The following NRG3 variants were observed in gnomAD, a reference collection of about 807,000 sequenced individuals.
NRG3 encodes the protein neuregulin 3, also known as pro-neuregulin-3, membrane-bound isoform.
Under a neutral mutation model 66.9 loss-of-function variants are expected in NRG3, and 31 were observed. The observed-to-expected ratio is 0.46, with a 90% CI of 0.35 to 0.63. The LOEUF (loss-of-function observed/expected upper bound fraction) is 0.63, where lower values mean the gene tolerates loss of function less well. NRG3 is among the 20% of genes least tolerant of loss of function. The pLI is 0.00. For missense variants in NRG3, 910 were observed against 878.9 expected (o/e 1.04, Z -0.45); for synonymous variants, 393 against 359.4 (o/e 1.09, Z -1.06).
At chr10:81,957,835 T>C (rs886154992) in intron 1 of NRG3, among the ~76,000 whole-genome samples, 4 of 152,268 alleles carry the variant, frequency 2.6e-5, no homozygotes, top group African/African-American at 9.6e-5. Flanking sequence ...GATGATTAAG[T>C]AAAATTTGTA....
chr10:82,114,985 GA>G (rs1369733962), intron 1 of NRG3, among the ~76,000 whole-genome samples: 5 of 152,040 alleles, frequency 3.3e-5, no homozygotes, highest in Non-Finnish European at 7.4e-5. Flanking sequence ...TTTTCTTTTG[GA>G]AAAAGGCAGG....
intron 2 of NRG3, among the ~76,000 whole-genome samples, chr10:82,521,063 C>T (rs897793423): frequency 3.9e-5 from 6 of 152,156 alleles, no homozygotes; most frequent in Admixed American, 2.0e-4. Flanking sequence ...CAGTTCCAGA[C>T]CACCATAATA....
intron 1 of NRG3, among the ~76,000 whole-genome samples, chr10:82,102,141 T>TATATATATGTGTGTATTA: frequency 2.5e-5 from 1 of 39,264 alleles, no homozygotes; most frequent in East Asian, 4.2e-4. Context: ...TTCATATATA[T>TATATATATGTGTGTATTA]ATATATATAT....
intron 2 of NRG3, among the ~76,000 whole-genome samples, chr10:82,500,487 G>C (rs1844068697): frequency 6.6e-6 from 1 of 152,114 alleles, no homozygotes. Context: ...CTACCTTTTT[G>C]TAGGTTGAAT....
intron 1 of NRG3, among the ~76,000 whole-genome samples, chr10:82,044,675 A>G (rs1252316872): frequency 3.3e-5 from 5 of 151,942 alleles, no homozygotes; most frequent in Non-Finnish European, 7.4e-5. Context: ...TGCTGCACCT[A>G]TTAACTCTTC....
chr10:82,091,043 G>T (rs2065995438), intron 1 of NRG3, among the ~76,000 whole-genome samples: 1 of 152,050 alleles, frequency 6.6e-6, no homozygotes, highest in African/African-American at 2.4e-5. Flanking sequence ...ACTTCCAGCA[G>T]TGTAACCTAA....
chr10:82,399,026 T>C (rs547472566), intron 2 of NRG3, among the ~76,000 whole-genome samples: 1 of 152,354 alleles, frequency 6.6e-6, no homozygotes, highest in African/African-American at 2.4e-5. Flanking sequence ...TCTGAGACTA[T>C]GACAAGTGAT....
At chr10:82,407,374 A>G (rs548016822) in intron 2 of NRG3, among the ~76,000 whole-genome samples, 14 of 152,134 alleles carry the variant, frequency 9.2e-5, no homozygotes, top group Non-Finnish European at 1.5e-4. Context: ...CCTACTCTAA[A>G]TGGAAGGGCA....
intron 2 of NRG3, among the ~76,000 whole-genome samples, chr10:82,668,860 A>G (rs1248922754): frequency 1.3e-5 from 2 of 152,174 alleles, no homozygotes; most frequent in South Asian, 2.1e-4. Context: ...CCTTTACATT[A>G]TAGATTGCCT....
chr10:82,806,821 A>G (rs956150891), intron 3 of NRG3, among the ~76,000 whole-genome samples: 3 of 152,202 alleles, frequency 2.0e-5, no homozygotes, highest in Admixed American at 6.5e-5. Flanking sequence ...AGTTTGGATC[A>G]TAAGGTTGTC....
At chr10:82,219,318 T>C (rs1194635414) in intron 1 of NRG3, among the ~76,000 whole-genome samples, 4 of 147,712 alleles carry the variant, frequency 2.7e-5, no homozygotes, top group Non-Finnish European at 5.9e-5. Flanking sequence ...TTTTTGGCAA[T>C]AAAAAATATC....
At chr10:82,112,602 G>C (rs141888387) in intron 1 of NRG3, among the ~76,000 whole-genome samples, 1 of 152,024 alleles carries the variant, frequency 6.6e-6, no homozygotes, top group African/African-American at 2.4e-5. Flanking sequence ...TCTAAATGGC[G>C]CTTCTTCATT....
At chr10:82,533,498 T>A (rs1216638325) in intron 2 of NRG3, among the ~76,000 whole-genome samples, 7 of 144,734 alleles carry the variant, frequency 4.8e-5, no homozygotes. Flanking sequence ...AATTTCCTTC[T>A]TTTGCATGGG....
chr10:81,972,491 T>C (rs1438010661), intron 1 of NRG3, among the ~76,000 whole-genome samples: 1 of 151,848 alleles, frequency 6.6e-6, no homozygotes, highest in Non-Finnish European at 1.5e-5. Context: ...TGCCTAGAAA[T>C]GAAAAAATAC....
chr10:82,765,614 G>A (rs748153701), intron 3 of NRG3, among the ~76,000 whole-genome samples: 1 of 152,034 alleles, frequency 6.6e-6, no homozygotes, highest in Non-Finnish European at 1.5e-5. Flanking sequence ...ATGTTATAAA[G>A]AAAAAAGCCA....
intron 2 of NRG3, among the ~76,000 whole-genome samples, chr10:82,630,613 G>C (rs966608794): frequency 6.6e-6 from 1 of 151,886 alleles, no homozygotes; most frequent in Non-Finnish European, 1.5e-5. Context: ...GGGAGGCGAA[G>C]GTTGCAGTGA....
chr10:82,915,666 G>C (rs894167492), intron 4 of NRG3, among the ~76,000 whole-genome samples: 1 of 152,048 alleles, frequency 6.6e-6, no homozygotes, highest in Non-Finnish European at 1.5e-5. Context: ...TGTTCCTAGT[G>C]AGATTTTGGC....
chr10:82,480,571 T>G (rs1244317619), intron 2 of NRG3, among the ~76,000 whole-genome samples: 1 of 152,226 alleles, frequency 6.6e-6, no homozygotes, highest in Non-Finnish European at 1.5e-5. Flanking sequence ...CAGAGTGGTA[T>G]ATGAGAATCA....
intron 3 of NRG3, among the ~76,000 whole-genome samples, chr10:82,762,718 C>T (rs548337783): frequency 1.3e-5 from 2 of 152,136 alleles, no homozygotes; most frequent in Admixed American, 6.5e-5. Flanking sequence ...CAATATATTC[C>T]ACTGAGAATG....
Sources: allele counts gnomAD v4.1 joint callset (sites outside exome capture counted in the v4.1 genomes callset), GRCh38; gene constraint gnomAD v4.1.1; transcripts MANE v1.5; gene names NCBI Gene and HGNC (gene_info 2026-07-23, HGNC 2026-07-21).